Variants in TMPRSS9 observed in about 807,000 individuals in gnomAD.
TMPRSS9 encodes transmembrane serine protease 9.
In TMPRSS9, 113 loss-of-function variants were observed where a neutral mutation model predicts 111.4. That is an observed-to-expected ratio of 1.01 (90% CI 0.87 to 1.19). The LOEUF (loss-of-function observed/expected upper bound fraction) is 1.19. TMPRSS9 is among the 50% of genes most tolerant of loss of function. The pLI is 0.00. For missense variants in TMPRSS9, 1,803 were observed against 1,513.1 expected (o/e 1.19, Z -3.18); for synonymous variants, 805 against 659.1 (o/e 1.22, Z -3.39).
chr19:2,377,746 A>ACT (rs112334815), intron 1 of TMPRSS9, among the ~76,000 whole-genome samples: 46,095 of 97,082 alleles, frequency 0.47, 12,447 homozygotes, highest in African/African-American at 0.73. Context: ...ACAAGGTCTC[A>ACT]CTGTCACCCA....
intron 14 of TMPRSS9, among the ~76,000 whole-genome samples, chr19:2,423,494 C>T (rs1244210818): frequency 8.5e-6 from 1 of 118,204 alleles, no homozygotes; most frequent in East Asian, 2.6e-4. Context: ...CCAGGGAAGC[C>T]AGCTGGGTGG....
chr19:2,407,154 C>T (rs1423265921), intron 7 of TMPRSS9, among the ~76,000 whole-genome samples: 1 of 151,806 alleles, frequency 6.6e-6, no homozygotes, highest in East Asian at 1.9e-4. Context: ...AATTTTGTGC[C>T]CAAGGCTCAT....
At position 2,405,392 on chromosome 19, in the gene TMPRSS9, C is replaced by G. The variant is rs746576825; in HGVS notation, c.689C>G (p.Ala230Gly). Residue 230 changes from alanine to glycine, a missense_variant, in exon 7 of 18, where the codon GCC becomes GGC. By Grantham distance (60) the Ala-to-Gly change is moderately conservative. Transcript: ENST00000648592. ...CTTGCAGAGTGTGGCTTGCAGCCTG[C>G]CTGGAGGATGGCCGGCAGGATCGTG... 3 of 1,602,384 alleles carry G rather than the reference C, an allele frequency of 1.9e-6. No homozygotes were observed. Among genetic ancestry groups the G allele is most frequent in the South Asian group, 2.2e-5 (2 of 89,604 alleles).
chr19:2,373,623 C>A (rs1167921518), intron 1 of TMPRSS9, among the ~76,000 whole-genome samples: 1 of 151,732 alleles, frequency 6.6e-6, no homozygotes, highest in Non-Finnish European at 1.5e-5. Flanking sequence ...CCTCGGCCTC[C>A]CAAAGTGCTG....
At chr19:2,396,807 C>A in intron 2 of TMPRSS9, 141 bp downstream of exon 3, 2 of 1,274,008 alleles carry the variant, frequency 1.6e-6, no homozygotes, top group Non-Finnish European at 1.1e-6. Context: ...GGAGGCCAGG[C>A]CAGGGGGCGG....
chr19:2,408,848 G>C (rs1199361703), intron 8 of TMPRSS9, among the ~76,000 whole-genome samples: 1 of 151,376 alleles, frequency 6.6e-6, no homozygotes, highest in Non-Finnish European at 1.5e-5. Context: ...AATTAGCCAG[G>C]CATGGTGGTG....
At chr19:2,424,361 C>T in intron 15 of TMPRSS9, 104 bp downstream of exon 16, 4 of 1,184,756 alleles carry the variant, frequency 3.4e-6, no homozygotes, top group South Asian at 6.9e-5. Flanking sequence ...GCCGGGAGTG[C>T]CCTCCCCAAC....
At chr19:2,370,822 C>T (rs1041269025) in intron 1 of TMPRSS9, among the ~76,000 whole-genome samples, 2 of 151,824 alleles carry the variant, frequency 1.3e-5, no homozygotes, top group Admixed American at 6.6e-5. Flanking sequence ...ATTAACCCAG[C>T]GTGGTGGCAT....
intron 8 of TMPRSS9, 51 bp from the exon 10 acceptor site, chr19:2,410,205 GGC>G: frequency 6.2e-7 from 1 of 1,603,214 alleles, no homozygotes; most frequent in South Asian, 1.1e-5. Flanking sequence ...AGCTCAAAGT[GGC>G]TGCCAGGGCT....
intron 4 of TMPRSS9, among the ~76,000 whole-genome samples, chr19:2,401,050 A>G (rs984905193): frequency 3.5e-4 from 53 of 149,316 alleles, no homozygotes; most frequent in African/African-American, 8.3e-4. Flanking sequence ...CGAGGTGGGC[A>G]GATCACAAGG....
chr19:2,420,806 T>C lies in TMPRSS9; in HGVS notation c.2155-1048T>C, dbSNP rs1297045984. Among the ~76,000 whole-genome samples the C allele has an allele frequency of 2.0e-5, 3 of 152,238 alleles. 1 individual carries two copies. The highest frequency in any genetic ancestry group is 1.3e-4 in the Admixed American group (2 of 15,274). On this transcript the variant is annotated intron_variant, in intron 13 of 17. Transcript: ENST00000648592. ...ATATATTCATTATATTTGTTCTTTA[T>C]ATCTGACAATAAAAATAGAATAATA...
intron 9 of TMPRSS9, 135 bp from the exon 11 acceptor site, chr19:2,413,565 C>T (rs1306335223): frequency 8.3e-6 from 8 of 965,872 alleles, no homozygotes; most frequent in African/African-American, 6.5e-5. Flanking sequence ...CAATGATCAG[C>T]CCCAGGTGCT....
rs571680097 is a variant in TMPRSS9 at position 2,422,258 on chromosome 19, A to G, written c.2548+11A>G. ...ACACCCAGCTACCAGGTACCGGGAGAGACGGAGGGATCCCTGGGAGTGGAG... is the reference window on the plus strand; with the variant it reads ...ACACCCAGCTACCAGGTACCGGGAGGGACGGAGGGATCCCTGGGAGTGGAG... On this transcript the variant is annotated intron_variant, in intron 14 of 17. Transcript: ENST00000648592. The G allele has an allele frequency of 2.0e-6, 3 of 1,497,272 alleles. No individual in the cohort carries two copies. In the South Asian group the frequency reaches 4.0e-5, roughly 20 times the overall value. 92.7% of individuals were successfully genotyped at this position (1,497,272 alleles called of 1,614,324 possible).
intron 1 of TMPRSS9, among the ~76,000 whole-genome samples, chr19:2,375,592 AC>A (rs1970326801): frequency 6.6e-6 from 1 of 151,510 alleles, no homozygotes; most frequent in Non-Finnish European, 1.5e-5. Flanking sequence ...TCCAGTGTGG[AC>A]CAATCACTGG....
chr19:2,377,291 A>ATG (rs1970344466), intron 1 of TMPRSS9, among the ~76,000 whole-genome samples: 1 of 117,774 alleles, frequency 8.5e-6, no homozygotes, highest in Non-Finnish European at 1.6e-5. Flanking sequence ...GTATGTATGT[A>ATG]TATATGTATG....
intron 8 of TMPRSS9, among the ~76,000 whole-genome samples, chr19:2,409,603 G>A (rs1156917687): frequency 6.6e-6 from 1 of 152,144 alleles, no homozygotes; most frequent in Non-Finnish European, 1.5e-5. Flanking sequence ...GGGGGTGGCA[G>A]CTGCAGCTTT....
In TMPRSS9 at chr19:2,416,537, G is replaced by C. The variant is rs753672163; in HGVS notation, c.1746-1G>C. On this transcript the variant is annotated splice_acceptor_variant, in intron 11 of 17. Transcript: ENST00000648592. LOFTEE classifies it high-confidence loss of function. ...CATGTCTGAGGGCCCTGTCTCCATA[G>C]CACGAAGGTGGAGCAGGTTCGGGCC... 4 of 1,605,960 alleles carry C rather than the reference G, an allele frequency of 2.5e-6. No individual in the cohort carries two copies. In the East Asian group the frequency reaches 6.7e-5, roughly 27 times the overall value.
chr19:2,421,118 A>G (rs983781006), intron 13 of TMPRSS9, among the ~76,000 whole-genome samples: 2 of 151,240 alleles, frequency 1.3e-5, no homozygotes, highest in Admixed American at 1.3e-4. Flanking sequence ...AGGCAGGAGA[A>G]TCACTTGAAC....
At chr19:2,405,033 C>T (rs1970939038) in intron 6 of TMPRSS9, among the ~76,000 whole-genome samples, 1 of 151,410 alleles carries the variant, frequency 6.6e-6, no homozygotes, top group Admixed American at 6.6e-5. Context: ...TTGTGAAGGA[C>T]ATAAAAGTAG....
Sources: allele counts gnomAD v4.1 joint callset (sites outside exome capture counted in the v4.1 genomes callset), GRCh38; gene constraint gnomAD v4.1.1; transcripts MANE v1.5; gene names NCBI Gene and HGNC (gene_info 2026-07-23, HGNC 2026-07-21).